AGBL4: variants seen among roughly 807,000 people sequenced by gnomAD.
AGBL4 encodes the protein AGBL carboxypeptidase 4.
Under a neutral mutation model 66.4 loss-of-function variants are expected in AGBL4, and 58 were observed. The ratio of observed to expected loss-of-function variants is 0.87; its 90% CI spans 0.71 to 1.09. The LOEUF is 1.09. Among genes scored for constraint, AGBL4 ranks in the 50% least tolerant of loss-of-function variants. The pLI is 0.00. For synonymous variants in AGBL4, 234 were observed against 222.9 expected, an observed-to-expected ratio of 1.05 and a Z score of -0.44; for missense variants, 579 against 631.0, an observed-to-expected ratio of 0.92 and a Z score of 0.88.
At position 49,225,381 on chromosome 1, in the gene AGBL4, A is replaced by T. The variant is rs117480968; in HGVS notation, c.377+20389T>A. ...TCTGCTCAATATCTCATTCTTAAAA[A>T]TGGAAAGGGCCACAACTGCAAAGAT... On this transcript the variant is annotated intron_variant, in intron 4 of 13. Transcript: ENST00000371839. 1.4e-4 allele frequency among the ~76,000 whole-genome samples: 21 copies of T among 152,346 alleles called. No individual in the cohort carries two copies. The East Asian group carries it at 4.0e-3, about 29-fold the overall frequency.
At chr1:50,015,012 C>T (rs893709979) in intron 1 of AGBL4, among the ~76,000 whole-genome samples, 2 of 152,152 alleles carry the variant, frequency 1.3e-5, no homozygotes, top group Non-Finnish European at 2.9e-5. Context: ...GTCTTTAGCT[C>T]TGTTAATAGG....
rs535933043 is a variant in AGBL4, at chr1:49,733,416, T to C, written c.158-35979A>G. 2.0e-4 allele frequency among the ~76,000 whole-genome samples: 30 copies of C among 152,294 alleles called. 1 individual carries two copies. In the South Asian group the frequency reaches 6.0e-3, roughly 30 times the overall value. Reference sequence around the variant, plus strand: ...TTCTACTTTTCTCTAAAAGGCACAATATCGTATAAGAAATTTGACATCTTA... The same window carrying C: ...TTCTACTTTTCTCTAAAAGGCACAACATCGTATAAGAAATTTGACATCTTA... On this transcript the variant is annotated intron_variant, in intron 2 of 13. Coordinates refer to ENST00000371839, the MANE Select transcript of AGBL4 (RefSeq NM_032785.4).
At chr1:49,719,906 T>A (rs1335925479) in intron 2 of AGBL4, among the ~76,000 whole-genome samples, 1 of 152,110 alleles carries the variant, frequency 6.6e-6, no homozygotes, top group African/African-American at 2.4e-5. Flanking sequence ...AGGATGTGTT[T>A]GCTTCCCCTT....
At chr1:49,687,718 T>C (rs1646812864) in intron 3 of AGBL4, among the ~76,000 whole-genome samples, 1 of 151,826 alleles carries the variant, frequency 6.6e-6, no homozygotes, top group African/African-American at 2.4e-5. Context: ...GAGGTTGCAG[T>C]GAGCCAAGAT....
At chr1:49,987,063 G>T (rs1244213748) in intron 1 of AGBL4, among the ~76,000 whole-genome samples, 1 of 151,940 alleles carries the variant, frequency 6.6e-6, no homozygotes, top group Admixed American at 6.6e-5. Flanking sequence ...TAAAGGAAAT[G>T]ATCTATGTAT....
At chr1:49,567,485 G>A (rs1252651428) in intron 3 of AGBL4, among the ~76,000 whole-genome samples, 3 of 151,880 alleles carry the variant, frequency 2.0e-5, no homozygotes, top group African/African-American at 7.3e-5. Flanking sequence ...ATAATTAAGG[G>A]TATCAAAATA....
chr1:49,689,298 A>G (rs1217131498), intron 3 of AGBL4, among the ~76,000 whole-genome samples: 1 of 152,218 alleles, frequency 6.6e-6, no homozygotes, highest in Non-Finnish European at 1.5e-5. Flanking sequence ...GTGGATATCC[A>G]GTTTTCCTAG....
intron 6 of AGBL4, among the ~76,000 whole-genome samples, chr1:48,666,500 C>T (rs572868760): frequency 2.0e-5 from 3 of 152,328 alleles, no homozygotes; most frequent in Admixed American, 2.0e-4. Flanking sequence ...AAGTAACGTG[C>T]TTTGTGTGGC....
chr1:49,048,767 C>T (rs1292305346), intron 4 of AGBL4, among the ~76,000 whole-genome samples: 1 of 151,424 alleles, frequency 6.6e-6, no homozygotes, highest in Non-Finnish European at 1.5e-5. Context: ...GGGCTGTTAT[C>T]CCTTTACATA....
intron 3 of AGBL4, among the ~76,000 whole-genome samples, chr1:49,564,402 G>A (rs1644137104): frequency 1.3e-5 from 2 of 151,990 alleles, no homozygotes; most frequent in South Asian, 2.1e-4. Flanking sequence ...TGATGTTAGG[G>A]TGCCAATTTT....
intron 5 of AGBL4, among the ~76,000 whole-genome samples, chr1:49,020,634 G>T (rs191736019): frequency 6.6e-6 from 1 of 152,240 alleles, no homozygotes; most frequent in Admixed American, 6.5e-5. Context: ...TTCTTAGCAA[G>T]GGTGAGCCTG....
At chr1:49,880,627 T>C (rs1479665196) in intron 1 of AGBL4, among the ~76,000 whole-genome samples, 1 of 152,154 alleles carries the variant, frequency 6.6e-6, no homozygotes, top group African/African-American at 2.4e-5. Flanking sequence ...GTCTGTGCCC[T>C]GCCCCCAGAG....
At chr1:49,670,354 A>G (rs1263118094) in intron 3 of AGBL4, among the ~76,000 whole-genome samples, 4 of 152,208 alleles carry the variant, frequency 2.6e-5, no homozygotes, top group African/African-American at 9.6e-5. Flanking sequence ...GATTTGGGAC[A>G]CAAAGACAAT....
chr1:49,739,644 G>T (rs1650246525), intron 2 of AGBL4, among the ~76,000 whole-genome samples: 1 of 152,144 alleles, frequency 6.6e-6, no homozygotes, highest in African/African-American at 2.4e-5. Context: ...GTTAAGGGCA[G>T]CCAGAGAGAA....
At position 48,736,158 on chromosome 1, in the gene AGBL4, T is replaced by C. The variant is rs1410972458; in HGVS notation, c.635-72917A>G. On this transcript the variant is annotated intron_variant, in intron 6 of 13. Coordinates refer to ENST00000371839, the MANE Select transcript of AGBL4 (RefSeq NM_032785.4). The surrounding 1 kb of genome is among the most constrained non-coding windows in gnomAD (Gnocchi z 4.0). ...CATGCAGAAGCTTCATAAGTAATCG[T>C]TGAATTGAATTGTGCCTAACACATT... is the stretch of plus-strand genomic sequence containing the variant. 8 of 1,468,388 alleles carry C rather than the reference T, an allele frequency of 5.4e-6. No homozygotes were observed. The highest frequency in any genetic ancestry group is 4.2e-5 in the African/African-American group (3 of 71,280). 91.0% of individuals were successfully genotyped at this position (1,468,388 alleles called of 1,614,324 possible). A position where few individuals can be genotyped will look rare whatever the true frequency, so the allele number is the denominator to read the frequency against.
At chr1:49,566,709 C>T (rs909608919) in intron 3 of AGBL4, among the ~76,000 whole-genome samples, 46 of 152,226 alleles carry the variant, frequency 3.0e-4, no homozygotes, top group African/African-American at 9.4e-4. Flanking sequence ...TCCGCCCCTA[C>T]TGGGAGGTGC....
chr1:48,863,065 A>G (rs1169134224), intron 6 of AGBL4, among the ~76,000 whole-genome samples: 2 of 152,216 alleles, frequency 1.3e-5, no homozygotes, highest in Admixed American at 6.5e-5. Context: ...GCTAATAATA[A>G]TAATACATTG....
intron 3 of AGBL4, among the ~76,000 whole-genome samples, chr1:49,464,328 C>A (rs1305650170): frequency 6.6e-6 from 1 of 151,706 alleles, no homozygotes; most frequent in Non-Finnish European, 1.5e-5. Flanking sequence ...CCCAGGGAGG[C>A]TTGCCCAATG....
intron 3 of AGBL4, among the ~76,000 whole-genome samples, chr1:49,578,415 A>G (rs932438429): frequency 1.3e-5 from 2 of 152,190 alleles, no homozygotes; most frequent in Non-Finnish European, 2.9e-5. Context: ...AGGAAAAAAA[A>G]CCATGACCTG....
Sources: gnomAD v4.1 joint callset for allele counts (sites outside exome capture counted in the v4.1 genomes callset) on GRCh38, gnomAD v4.1.1 for gene constraint, Gnocchi (gnomAD v3.1) non-coding constraint, MANE v1.5 for transcripts, NCBI Gene and HGNC (gene_info 2026-07-23, HGNC 2026-07-21) for gene names.